The following RABL3 variants were observed in gnomAD, a reference collection of about 807,000 sequenced individuals.
RABL3 encodes the protein RAB, member of RAS oncogene family like 3, also known as rab-like protein 3.
Under a neutral mutation model 31.8 loss-of-function variants are expected in RABL3, and 31 were observed. The ratio of observed to expected loss-of-function variants is 0.97; its 90% CI spans 0.73 to 1.31. The LOEUF is 1.31. RABL3 is among the 40% of genes most tolerant of loss of function. The pLI, the probability that RABL3 is intolerant of heterozygous loss-of-function variation, is 0.00. For synonymous variants in RABL3, 97 were observed against 99.9 expected, an observed-to-expected ratio of 0.97 and a Z score of 0.18; for missense variants, 263 against 279.6, an observed-to-expected ratio of 0.94 and a Z score of 0.42.
chr3:120,718,714 TAA>T (rs1708699115), intron 2 of RABL3, among the ~76,000 whole-genome samples: 1 of 152,196 alleles, frequency 6.6e-6, no homozygotes, highest in Non-Finnish European at 1.5e-5. Flanking sequence ...ATCTTACTTA[TAA>T]GAGACATCCC....
chr3:120,730,734 T>G lies in RABL3; in HGVS notation c.100A>C (p.Asn34His). The change falls in exon 2 of 8, where the codon AAT (asparagine) becomes CAT (histidine). Residue 34 changes from asparagine (N) to histidine (H), a missense_variant. Physicochemically the swap from Asn to His is moderately conservative, Grantham distance 68. Coordinates refer to ENST00000273375, the MANE Select transcript of RABL3 (RefSeq NM_173825.5). ...HLLCQNQVLGNPSWTVGCSVD... is the reference protein window; with the variant it reads ...HLLCQNQVLGHPSWTVGCSVD... ...GAGCAGCCCACAGTCCATGATGGAT[T>G]TCCCAGCACTTGATTTTGGCATAGG... 6.2e-7 allele frequency: 1 copy of G among 1,613,962 alleles called. No homozygotes were observed. Among genetic ancestry groups the G allele is most frequent in the Non-Finnish European group, 8.5e-7 (1 of 1,179,888 alleles).
At chr3:120,703,661 A>C (rs1020189189) in intron 4 of RABL3, among the ~76,000 whole-genome samples, 3 of 152,154 alleles carry the variant, frequency 2.0e-5, no homozygotes, top group Non-Finnish European at 2.9e-5. Flanking sequence ...CAATTGATAA[A>C]CCTCTACAAG....
intron 2 of RABL3, among the ~76,000 whole-genome samples, chr3:120,728,708 TAAAC>T (rs369282074): frequency 1.3e-5 from 2 of 150,154 alleles, no homozygotes; most frequent in African/African-American, 4.9e-5. Flanking sequence ...ATAATAATAA[TAAAC>T]AAAAAAGAAA....
At chr3:120,739,427 T>C (rs1346001550) in intron 1 of RABL3, among the ~76,000 whole-genome samples, 1 of 152,052 alleles carries the variant, frequency 6.6e-6, no homozygotes, top group Non-Finnish European at 1.5e-5. Context: ...CTGCATTTCT[T>C]TACTTTCTGA....
chr3:120,722,249 T>G (rs1708752502), intron 2 of RABL3: 1 of 152,138 alleles, frequency 6.6e-6, no homozygotes, highest in South Asian at 2.1e-4. Flanking sequence ...TTCCACTAAC[T>G]TAGAGTGGTT....
chr3:120,699,056 T>C (rs1298627582), intron 4 of RABL3, among the ~76,000 whole-genome samples: 1 of 152,194 alleles, frequency 6.6e-6, no homozygotes, highest in Admixed American at 6.5e-5. Flanking sequence ...TTTTGGGGTA[T>C]GCATTAATTC....
In RABL3 at chr3:120,693,361, A is replaced by G. The variant is rs141350485; in HGVS notation, c.606+792T>C. 1.1e-3 allele frequency among the ~76,000 whole-genome samples: 162 copies of G among 152,354 alleles called. 1 individual carries two copies. The highest frequency in any genetic ancestry group is 3.8e-3 in the African/African-American group (160 of 41,578). On this transcript the variant is annotated intron_variant, in intron 6 of 7. Coordinates refer to ENST00000273375, the MANE Select transcript of RABL3 (RefSeq NM_173825.5). ...CCAATTATTAAATCCCTAAATAGTT[A>G]AAAGAAAAAAATGATTGATAAAGAA...
At chr3:120,712,857 T>G (rs776666394) in intron 2 of RABL3, among the ~76,000 whole-genome samples, 3 of 152,174 alleles carry the variant, frequency 2.0e-5, no homozygotes, top group Non-Finnish European at 2.9e-5. Flanking sequence ...GTTTCTCCAG[T>G]ACAGTTCCAA....
At chr3:120,737,574 G>T (rs1320909411) in intron 1 of RABL3, among the ~76,000 whole-genome samples, 5 of 152,238 alleles carry the variant, frequency 3.3e-5, no homozygotes, top group African/African-American at 9.6e-5. Flanking sequence ...GAGGAGCTGC[G>T]TTTCTTTGCA....
rs538219286 is a variant in RABL3, at chr3:120,693,718, G to A, written c.606+435C>T. On this transcript the variant is annotated intron_variant, in intron 6 of 7. Transcript: ENST00000273375. Reference sequence around the variant, plus strand: ...GAGGGAAACACTAGGAAATCAAGAAGACATTACCTTAAAAGGTAACAGTAA... The same window carrying A: ...GAGGGAAACACTAGGAAATCAAGAAAACATTACCTTAAAAGGTAACAGTAA... Among the ~76,000 whole-genome samples, 17 of 152,236 alleles carry A rather than the reference G, an allele frequency of 1.1e-4. No homozygotes were observed. The South Asian group carries it at 3.1e-3, about 28-fold the overall frequency.
In RABL3 at chr3:120,723,484, A is replaced by G. The variant is rs138239564; in HGVS notation, c.138+7212T>C. Among the ~76,000 whole-genome samples the G allele has an allele frequency of 3.5e-3, 534 of 152,316 alleles. 5 individuals carry two copies. The highest frequency in any genetic ancestry group is 0.012 in the African/African-American group (507 of 41,560). ...TCATCCTGATACCAAAGCCTGGCAG[A>G]GACACAACAAAAAAAGAGAATTTTT... is the stretch of plus-strand genomic sequence containing the variant. On this transcript the variant is annotated intron_variant, in intron 2 of 7. Coordinates refer to ENST00000273375, the MANE Select transcript of RABL3 (RefSeq NM_173825.5).
rs78995715 is a variant in RABL3, at chr3:120,727,764, A to G, written c.138+2932T>C. Among the ~76,000 whole-genome samples, 359 of 152,344 alleles carry G rather than the reference A, an allele frequency of 2.4e-3. 3 individuals carry two copies. The highest frequency in any genetic ancestry group is 8.1e-3 in the African/African-American group (338 of 41,584). On this transcript the variant is annotated intron_variant, in intron 2 of 7. Coordinates refer to ENST00000273375, the MANE Select transcript of RABL3 (RefSeq NM_173825.5). ...AGCACAAGACCAAGTTAGAGTTATT[A>G]CAGGATTGCAAGGTTGGTTTAACAT... is the stretch of plus-strand genomic sequence containing the variant.
rs570209090 is a variant in RABL3, at chr3:120,730,612, C to G, written c.138+84G>C. ...TCCCAGCTATTACTATTGATCTTGACCATAGTACTGTAATTTGATCATGTA... is the reference window on the plus strand; with the variant it reads ...TCCCAGCTATTACTATTGATCTTGAGCATAGTACTGTAATTTGATCATGTA... On this transcript the variant is annotated intron_variant, in intron 2 of 7. Transcript: ENST00000273375. 9 of 927,224 alleles carry G rather than the reference C, an allele frequency of 9.7e-6. No homozygotes were observed. The South Asian group carries it at 1.3e-4, about 13-fold the overall frequency. The allele number at this position is 927,224 out of a possible 1,614,324, so 57.4% of individuals were successfully genotyped here.
chr3:120,696,614 C>T (rs1409280262), intron 5 of RABL3, among the ~76,000 whole-genome samples: 1 of 151,850 alleles, frequency 6.6e-6, no homozygotes, highest in Non-Finnish European at 1.5e-5. Flanking sequence ...CACACACACA[C>T]ACACACACAC....
chr3:120,736,952 T>G (rs1258997534), intron 1 of RABL3, among the ~76,000 whole-genome samples: 5 of 152,244 alleles, frequency 3.3e-5, no homozygotes, highest in African/African-American at 1.2e-4. Flanking sequence ...CTGGCTGCCC[T>G]TAACATTTTT....
At chr3:120,725,150 A>C (rs1277117496) in intron 2 of RABL3, among the ~76,000 whole-genome samples, 1 of 152,202 alleles carries the variant, frequency 6.6e-6, no homozygotes, top group African/African-American at 2.4e-5. Flanking sequence ...ATGAACAGAC[A>C]CTTCTCAAAA....
chr3:120,720,051 C>G lies in RABL3; in HGVS notation c.139-10142G>C, dbSNP rs190078582. Among the ~76,000 whole-genome samples, 499 of 152,322 alleles carry G rather than the reference C, an allele frequency of 3.3e-3. 2 individuals carry two copies. Among genetic ancestry groups the G allele is most frequent in the African/African-American group, 0.011 (465 of 41,564 alleles). On this transcript the variant is annotated intron_variant, in intron 2 of 7. Coordinates refer to ENST00000273375, the MANE Select transcript of RABL3 (RefSeq NM_173825.5). Reference sequence around the variant, plus strand: ...CCAATATCCGCCATTCTATAGCCTCCGCTGGTGATACCCAGGCAAACAGGG... The same window carrying G: ...CCAATATCCGCCATTCTATAGCCTCGGCTGGTGATACCCAGGCAAACAGGG...
intron 2 of RABL3, among the ~76,000 whole-genome samples, chr3:120,720,366 T>G (rs567172215): frequency 6.6e-6 from 1 of 152,060 alleles, no homozygotes; most frequent in Non-Finnish European, 1.5e-5. Context: ...AGAAGAAGGC[T>G]TCAGACGATC....
intron 2 of RABL3, among the ~76,000 whole-genome samples, chr3:120,729,933 A>G (rs1042725152): frequency 6.6e-6 from 1 of 152,202 alleles, no homozygotes; most frequent in Non-Finnish European, 1.5e-5. Context: ...ACACCTAGAC[A>G]TAGGTTAGCA....
Sources: gnomAD v4.1 joint callset for allele counts (sites outside exome capture counted in the v4.1 genomes callset) on GRCh38, gnomAD v4.1.1 for gene constraint, MANE v1.5 for transcripts, NCBI Gene and HGNC (gene_info 2026-07-23, HGNC 2026-07-21) for gene names.